The following WDR18 variants were observed in gnomAD, a reference collection of about 807,000 sequenced individuals.
WDR18 encodes the protein WD repeat domain 18.
A neutral mutation model predicts 49.6 loss-of-function variants in WDR18; 33 were observed. That is an observed-to-expected ratio of 0.67 (90% confidence interval 0.50 to 0.89). The LOEUF (loss-of-function observed/expected upper bound fraction) is 0.89. Among genes scored for constraint, WDR18 ranks in the 40% least tolerant of loss-of-function variants. The pLI is 0.00. For synonymous variants in WDR18, 315 were observed against 263.6 expected (o/e 1.19, Z -1.89); for missense variants, 653 against 593.6 (o/e 1.10, Z -1.04).
upstream of WDR18, chr19:984,168 C>T (rs995478669): frequency 1.6e-6 from 1 of 629,456 alleles, no homozygotes; most frequent in East Asian, 3.4e-5. Context: ...AAGCAGGCCG[C>T]GCGACCCTCG....
chr19:989,723 C>A (rs372509767), intron 2 of WDR18, 39 bp from the exon 3 acceptor site: 2 of 1,610,012 alleles, frequency 1.2e-6, no homozygotes, highest in Non-Finnish European at 1.7e-6. Context: ...TCCCCTGGGG[C>A]TTTCCTCCCC....
intron 3 of WDR18, 156 bp from the exon 4 acceptor site, chr19:990,067 C>G: frequency 7.2e-7 from 1 of 1,390,802 alleles, no homozygotes; most frequent in Non-Finnish European, 9.5e-7. Flanking sequence ...CTGGTTTGTT[C>G]TGGGGGCCGT....
intron 2 of WDR18, among the ~76,000 whole-genome samples, 194 bp downstream of exon 2, chr19:986,169 C>T (rs903763288): frequency 6.6e-6 from 1 of 152,196 alleles, no homozygotes; most frequent in Non-Finnish European, 1.5e-5. Flanking sequence ...CAGACCAGCC[C>T]TAATCCTGCC....
intron 2 of WDR18, among the ~76,000 whole-genome samples, chr19:989,040 GCCT>G (rs1568384555): frequency 1.1e-4 from 7 of 62,478 alleles, no homozygotes; most frequent in African/African-American, 3.0e-4. Context: ...AGCATCTCAG[GCCT>G]CGAACCCACA....
At chr19:983,526 T>G (rs2038439553), upstream of WDR18, among the ~76,000 whole-genome samples, 1 of 150,098 alleles carries the variant, frequency 6.7e-6, no homozygotes, top group African/African-American at 2.4e-5. Flanking sequence ...CCTCCCAAAG[T>G]GCTGGGATTA....
At chr19:993,360 G>C (rs1370743223) in intron 8 of WDR18, among the ~76,000 whole-genome samples, 3 of 152,228 alleles carry the variant, frequency 2.0e-5, no homozygotes. Context: ...GGATTCCGGA[G>C]GGGGCCAGGC....
chr19:990,370 C>A lies in WDR18; in HGVS notation c.597+6C>A, dbSNP rs770440254. On this transcript the variant is annotated splice_donor_region_variant and intron_variant, in intron 4 of 9. Coordinates refer to ENST00000585809, the MANE Select transcript of WDR18 (RefSeq NM_024100.4). ...CACTGGACCAGACGGTGAAGGTACG[C>A]CGCCCCCACCCCACCACGGTCCATG... 3.8e-5 allele frequency: 59 copies of A among 1,537,770 alleles called. No homozygotes were observed. The highest frequency in any genetic ancestry group is 1.2e-4 in the Admixed American group (6 of 48,960).
chr19:994,059 C>A lies in WDR18; in HGVS notation c.1138C>A (p.Gln380Lys). The A allele has an allele frequency of 6.4e-7, 1 of 1,561,014 alleles. No individual in the cohort carries two copies. The highest frequency in any genetic ancestry group is 8.7e-7 in the Non-Finnish European group (1 of 1,153,974). The change falls in exon 9 of 10, where the codon CAG (glutamine) becomes AAG (lysine). Residue 380 changes from glutamine (Q) to lysine (K), a missense_variant. Physicochemically the swap from Gln to Lys is moderately conservative, Grantham distance 53 (BLOSUM62 1). Transcript: ENST00000585809. ...PSYLDRTEQL[Q>K]AVLCSTMEKS... ...CTACCTGGACCGCACGGAGCAGCTGCAGGCCGTCCTGTGCAGCACCATGGA... is the reference window on the plus strand; with the variant it reads ...CTACCTGGACCGCACGGAGCAGCTGAAGGCCGTCCTGTGCAGCACCATGGA...
At chr19:985,823 G>A (rs373364839) in intron 1 of WDR18, 42 bp from the exon 2 acceptor site, 20 of 1,599,324 alleles carry the variant, frequency 1.3e-5, no homozygotes, top group South Asian at 2.2e-5. Context: ...AGTAGCTCCC[G>A]TGTCCTGCAT....
chr19:989,008 T>C (rs2038505763), intron 2 of WDR18, among the ~76,000 whole-genome samples: 2 of 147,754 alleles, frequency 1.4e-5, no homozygotes, highest in Non-Finnish European at 3.0e-5. Context: ...ATCTCAGCTC[T>C]CGAATCCACA....
upstream of WDR18, among the ~76,000 whole-genome samples, chr19:983,043 C>G (rs1335340620): frequency 4.6e-5 from 7 of 152,218 alleles, no homozygotes; most frequent in Non-Finnish European, 1.0e-4. Context: ...CGAGGGCACA[C>G]GACCCAGGTC....
At position 985,939 on chromosome 19, in the gene WDR18, C is replaced by G. The variant is rs1351124660; in HGVS notation, c.285C>G (p.Val95=). 5.6e-6 allele frequency: 9 copies of G among 1,613,756 alleles called. No individual in the cohort carries two copies. The South Asian group carries it at 6.6e-5, about 12-fold the overall frequency. Residue 95 remains valine (V), a synonymous_variant, in exon 2 of 10, where the codon GTC becomes GTG. Transcript: ENST00000585809. The part of the protein sequence containing the change: ...CLTASPNGLY[V]LAGVAESIHL... ...CTGCATCACCCAATGGTCTCTACGT[C>G]CTGGCAGGAGTTGCAGAAAGCATCC...
At chr19:990,561 G>A in intron 4 of WDR18, 197 bp downstream of exon 4, 2 of 939,924 alleles carry the variant, frequency 2.1e-6, no homozygotes, top group East Asian at 2.9e-5. Context: ...CACCGTTTCT[G>A]GCCCGGCTCC....
Position 990,016 on chromosome 19 carries a change from G to T in WDR18, c.455+121G>T, listed in dbSNP as rs772666194. On this transcript the variant is annotated intron_variant, in intron 3 of 9. Transcript: ENST00000585809. ...TCTTGGGGGCTGGAGTGCAGAGGAC[G>T]GAGTGATCATCCCAGGGGTCCTGGC... The T allele has an allele frequency of 1.0e-5, 15 of 1,459,632 alleles. No homozygotes were observed. In the East Asian group the frequency reaches 1.4e-4, roughly 14 times the overall value. The allele number at this position is 1,459,632 out of a possible 1,614,324, so 90.4% of individuals were successfully genotyped here. A position where few individuals can be genotyped will look rare whatever the true frequency, so the allele number is the denominator to read the frequency against.
chr19:983,842 C>T (rs990378425), upstream of WDR18, among the ~76,000 whole-genome samples: 1 of 151,818 alleles, frequency 6.6e-6, no homozygotes, highest in African/African-American at 2.4e-5. Context: ...GAGTTCGAGG[C>T]CAGCCTGGGC....
intron 2 of WDR18, among the ~76,000 whole-genome samples, chr19:988,599 ACAGGGACTTT>A (rs1290054485): frequency 6.6e-6 from 1 of 152,184 alleles, no homozygotes; most frequent in Non-Finnish European, 1.5e-5. Context: ...AGCACGACGC[ACAGGGACTTT>A]CGACAACAGA....
At chr19:993,242 C>A (rs1033376920) in intron 8 of WDR18, among the ~76,000 whole-genome samples, 1 of 152,244 alleles carries the variant, frequency 6.6e-6, no homozygotes, top group African/African-American at 2.4e-5. Context: ...GCCAGCTCCA[C>A]GCTAGGGCGC....
chr19:990,265 C>T lies in WDR18; in HGVS notation c.498C>T (p.His166=), dbSNP rs774196977. 22 of 1,599,366 alleles carry T rather than the reference C, an allele frequency of 1.4e-5. No homozygotes were observed. The highest frequency in any genetic ancestry group is 3.3e-4 in the Middle Eastern group (2 of 6,050). Residue 166 remains histidine (H), a synonymous_variant, in exon 4 of 10, where the codon CAC becomes CAT. Coordinates refer to ENST00000585809, the MANE Select transcript of WDR18 (RefSeq NM_024100.4). Reference sequence around the variant, plus strand: ...CCTCCAGGATTCCGGCGCCCAGGCACGTCTGGTCTCACCACGCGCTCCCCA... The same window carrying T: ...CCTCCAGGATTCCGGCGCCCAGGCATGTCTGGTCTCACCACGCGCTCCCCA... ...ADPSRIPAPR[H]VWSHHALPIT...
At chr19:987,623 G>T (rs2038487884) in intron 2 of WDR18, among the ~76,000 whole-genome samples, 1 of 152,026 alleles carries the variant, frequency 6.6e-6, no homozygotes, top group South Asian at 2.1e-4. Context: ...CTGAGGCAGG[G>T]AAGCAGTAGC....
Sources: allele counts gnomAD v4.1 joint callset (sites outside exome capture counted in the v4.1 genomes callset), GRCh38; gene constraint gnomAD v4.1.1; transcripts MANE v1.5; gene names NCBI Gene and HGNC (gene_info 2026-07-23, HGNC 2026-07-21).